Variants in FAM20A observed in about 807,000 individuals in gnomAD.
FAM20A encodes the protein FAM20A golgi associated secretory pathway pseudokinase.
FAM20A carries 42 observed loss-of-function variants against 52.0 expected under a neutral mutation model. The observed-to-expected ratio is 0.81, with a 90% CI of 0.63 to 1.04. The LOEUF (loss-of-function observed/expected upper bound fraction) is 1.04, where lower values mean the gene tolerates loss of function less well. Ranked by LOEUF, FAM20A falls within the 50% of genes least tolerant of loss-of-function variation. FAM20A has a pLI of 0.00. For missense variants in FAM20A, 742 were observed against 712.7 expected, an observed-to-expected ratio of 1.04 and a Z score of -0.47; for synonymous variants, 304 against 298.9, an observed-to-expected ratio of 1.02 and a Z score of -0.18.
At chr17:68,555,868 G>C (rs528845813) in intron 1 of FAM20A, 125 bp from the exon 2 acceptor site, 4 of 1,154,738 alleles carry the variant, frequency 3.5e-6, no homozygotes, top group Non-Finnish European at 3.8e-6. Flanking sequence ...TCTAATGAGG[G>C]CTAGGCTTTA....
chr17:68,595,671 G>C (rs1032417595), intron 1 of FAM20A, among the ~76,000 whole-genome samples: 1 of 152,092 alleles, frequency 6.6e-6, no homozygotes, highest in Non-Finnish European at 1.5e-5. Flanking sequence ...TCTAACAAGG[G>C]GCCAAGGCCC....
chr17:68,594,187 G>T (rs920849832), intron 1 of FAM20A, among the ~76,000 whole-genome samples: 1 of 152,178 alleles, frequency 6.6e-6, no homozygotes, highest in Non-Finnish European at 1.5e-5. Context: ...CGAGGCGGGC[G>T]GATCACGAGG....
chr17:68,539,232 C>A, intron 10 of FAM20A, 105 bp downstream of exon 10: 2 of 1,050,922 alleles, frequency 1.9e-6, no homozygotes, highest in Middle Eastern at 2.0e-4. Context: ...TACCCACTTA[C>A]GTCCTGGACC....
At chr17:68,559,854 G>A (rs2087160758) in intron 1 of FAM20A, among the ~76,000 whole-genome samples, 1 of 152,082 alleles carries the variant, frequency 6.6e-6, no homozygotes. Flanking sequence ...CCTGTCAATA[G>A]GTTCTGGTGA....
rs746732233 is a variant in FAM20A at position 68,554,837 on chromosome 17, A to C, written c.590-10T>G. 2 of 1,614,068 alleles carry C rather than the reference A, an allele frequency of 1.2e-6. No individual in the cohort carries two copies. The highest frequency in any genetic ancestry group is 1.7e-6 in the Non-Finnish European group (2 of 1,179,954). ...TCATCTTGACTGTAATCTGCAAAGG[A>C]GGAGAAGGGCAATGAGAACTTCCAG... On this transcript the variant is annotated splice_polypyrimidine_tract_variant and intron_variant, in intron 2 of 10. Transcript: ENST00000592554.
At chr17:68,562,672 G>A (rs2087249951) in intron 1 of FAM20A, among the ~76,000 whole-genome samples, 1 of 148,904 alleles carries the variant, frequency 6.7e-6, no homozygotes, top group Non-Finnish European at 1.5e-5. Context: ...TCCCAGACCT[G>A]GCAAAAAAAA....
intron 1 of FAM20A, among the ~76,000 whole-genome samples, chr17:68,596,170 TGAA>T (rs1039345801): frequency 6.6e-6 from 1 of 151,480 alleles, no homozygotes; most frequent in African/African-American, 2.4e-5. Flanking sequence ...GGAGGAGGGG[TGAA>T]GAAGACAGGA....
At chr17:68,567,737 G>T (rs774067720) in intron 1 of FAM20A, among the ~76,000 whole-genome samples, 1 of 151,974 alleles carries the variant, frequency 6.6e-6, no homozygotes. Flanking sequence ...ATCTCATCTC[G>T]AATTGTAATC....
Position 68,543,797 on chromosome 17 carries a change from C to G in FAM20A, c.720-76G>C, listed in dbSNP as rs901331365. 8 of 1,293,102 alleles carry G rather than the reference C, an allele frequency of 6.2e-6. No individual in the cohort carries two copies. In the African/African-American group the frequency reaches 1.2e-4, roughly 19 times the overall value. 80.1% of individuals were successfully genotyped at this position (1,293,102 alleles called of 1,614,324 possible). On this transcript the variant is annotated intron_variant, in intron 4 of 10. Coordinates refer to ENST00000592554, the MANE Select transcript of FAM20A (RefSeq NM_017565.4). ...CTGAGAAGAGAGCTGATGAGCATGA[C>G]CAGCGAGAAAGGAAAACGGGCTTTT...
chr17:68,595,611 A>C (rs1485329766), intron 1 of FAM20A, among the ~76,000 whole-genome samples: 2 of 152,176 alleles, frequency 1.3e-5, no homozygotes, highest in Non-Finnish European at 2.9e-5. Flanking sequence ...TCCATTTCCA[A>C]ATCACAGGAG....
In FAM20A at chr17:68,535,909, C is replaced by CT. The variant is rs1438183404; in HGVS notation, c.*1567dup. 8 of 453,984 alleles carry CT rather than the reference C, an allele frequency of 1.8e-5. No individual in the cohort carries two copies. In the East Asian group the frequency reaches 5.6e-4, roughly 32 times the overall value. The allele number at this position is 453,984 out of a possible 1,614,324, so 28.1% of individuals were successfully genotyped here. Reference sequence around the variant, plus strand: ...AAGACTTTGGAATAGGTCTAAACCACTAAATTGTGTGATTTTGCTTACTCT... The same window carrying CT: ...AAGACTTTGGAATAGGTCTAAACCACTTAAATTGTGTGATTTTGCTTACTCT... On this transcript the variant is annotated 3_prime_UTR_variant, in exon 11 of 11. Transcript: ENST00000592554.
chr17:68,543,791 G>A (rs774042804), intron 4 of FAM20A, 70 bp from the exon 5 acceptor site: 2 of 1,317,492 alleles, frequency 1.5e-6, no homozygotes, highest in Non-Finnish European at 1.1e-6. Context: ...GAGCTGATGA[G>A]CATGACCAGC....
chr17:68,559,917 A>G (rs1240345834), intron 1 of FAM20A, among the ~76,000 whole-genome samples: 2 of 152,222 alleles, frequency 1.3e-5, no homozygotes, highest in Admixed American at 6.5e-5. Flanking sequence ...AGTTCATCAC[A>G]TCATATTCCA....
chr17:68,542,314 C>T (rs1473367386), intron 6 of FAM20A, 149 bp from the exon 7 acceptor site: 4 of 925,212 alleles, frequency 4.3e-6, no homozygotes, highest in Admixed American at 2.2e-5. Flanking sequence ...TTGACTTTTC[C>T]AGAAGTGAGG....
chr17:68,577,032 C>A (rs2087790511), intron 1 of FAM20A, among the ~76,000 whole-genome samples: 1 of 152,210 alleles, frequency 6.6e-6, no homozygotes, highest in Non-Finnish European at 1.5e-5. Flanking sequence ...CTAGCAGATG[C>A]CTTCTATCCG....
chr17:68,574,430 G>C (rs750407820), intron 1 of FAM20A, among the ~76,000 whole-genome samples: 1 of 152,082 alleles, frequency 6.6e-6, no homozygotes. Context: ...CCGTTAATCT[G>C]TTAATCCATG....
chr17:68,558,904 G>A (rs565558938), intron 1 of FAM20A, among the ~76,000 whole-genome samples: 1 of 152,232 alleles, frequency 6.6e-6, no homozygotes, highest in South Asian at 2.1e-4. Flanking sequence ...GATTACAGGT[G>A]CATGCCACCA....
intron 1 of FAM20A, chr17:68,558,212 G>T (rs909617156): frequency 1.0e-5 from 3 of 296,894 alleles, no homozygotes; most frequent in Admixed American, 1.0e-4. Flanking sequence ...GCAAGGAACT[G>T]AATTCTACCA....
intron 1 of FAM20A, among the ~76,000 whole-genome samples, chr17:68,578,715 C>T (rs973663569): frequency 3.3e-5 from 5 of 151,570 alleles, no homozygotes; most frequent in Non-Finnish European, 5.9e-5. Flanking sequence ...TAGGCTCGGC[C>T]AGGTGCAGTG....
Sources: allele counts gnomAD v4.1 joint callset (sites outside exome capture counted in the v4.1 genomes callset), GRCh38; gene constraint gnomAD v4.1.1; transcripts MANE v1.5; gene names NCBI Gene and HGNC (gene_info 2026-07-23, HGNC 2026-07-21).